Variants in PCDH11X observed in about 807,000 individuals in gnomAD.
PCDH11X encodes the protein protocadherin 11 X-linked, also known as protocadherin-11 X-linked.
In PCDH11X, 18 loss-of-function variants were observed where a neutral mutation model predicts 53.3. The ratio of observed to expected loss-of-function variants is 0.34; its 90% CI spans 0.23 to 0.50. The LOEUF is 0.50. PCDH11X is among the 20% of genes least tolerant of loss of function. The pLI is 0.98. For synonymous variants in PCDH11X, 279 were observed against 393.3 expected (o/e 0.71, Z 3.44); for missense variants, 570 against 1,032.4 (o/e 0.55, Z 6.14).
chrX:92,377,569 T>A (rs1344669131), intron 8 of PCDH11X, among the ~76,000 whole-genome samples: 1 of 109,698 alleles, frequency 9.1e-6, no homozygotes, highest in African/African-American at 3.3e-5. Context: ...TTACTGATTT[T>A]ATTTTAATCC....
In PCDH11X at chrX:92,264,239, A is replaced by G. The variant is rs149981645; in HGVS notation, c.3144+1096A>G. On this transcript the variant is annotated intron_variant, in intron 8 of 10. Coordinates refer to ENST00000682573, the MANE Select transcript of PCDH11X (RefSeq NM_032968.5). The stretch of plus-strand genomic sequence containing the variant: ...TACAATGCCAAAAGGGATTTTCATT[A>G]ATGTTTGAGAGATAAACTAAAATAA... Among the ~76,000 whole-genome samples the G allele has an allele frequency of 8.0e-5, 9 of 112,088 alleles. No homozygotes were observed. The East Asian group carries it at 2.2e-3, about 28-fold the overall frequency.
At chrX:91,940,226 C>A (rs916077514) in intron 6 of PCDH11X, among the ~76,000 whole-genome samples, 2 of 110,993 alleles carry the variant, frequency 1.8e-5, no homozygotes, top group Non-Finnish European at 3.8e-5. Context: ...GATGCCTACT[C>A]CAGAGCAGAT....
intron 4 of PCDH11X, among the ~76,000 whole-genome samples, chrX:91,820,675 A>T (rs1224372458): frequency 9.8e-6 from 1 of 102,552 alleles, no homozygotes; most frequent in African/African-American, 4.3e-5. Context: ...ACTTTAGTTT[A>T]ATTAGATCCC....
chrX:92,387,142 G>A (rs2905671), intron 8 of PCDH11X, among the ~76,000 whole-genome samples: 46,577 of 106,998 alleles, frequency 0.44, 8,263 homozygotes, highest in Non-Finnish European at 0.49. Context: ...TTTCATAATT[G>A]CCATAAACTG....
chrX:92,485,663 C>T (rs1747028741), intron 10 of PCDH11X, among the ~76,000 whole-genome samples: 2 of 111,325 alleles, frequency 1.8e-5, no homozygotes, highest in African/African-American at 3.3e-5. Context: ...TTGTAGTTCT[C>T]GAAACTCATT....
intron 6 of PCDH11X, among the ~76,000 whole-genome samples, chrX:92,052,043 ACT>A (rs1414636631): frequency 1.8e-5 from 2 of 109,534 alleles, no homozygotes; most frequent in Non-Finnish European, 3.8e-5. Context: ...AAAAGGTAAA[ACT>A]CTGTTTTCAT....
At chrX:92,205,510 G>A (rs1056361372) in intron 7 of PCDH11X, among the ~76,000 whole-genome samples, 1 of 110,284 alleles carries the variant, frequency 9.1e-6, no homozygotes, top group African/African-American at 3.3e-5. Context: ...ATGACATCAG[G>A]TATCACTGGG....
chrX:92,153,491 A>G (rs1339913443), intron 6 of PCDH11X, among the ~76,000 whole-genome samples: 1 of 111,969 alleles, frequency 8.9e-6, no homozygotes, highest in Non-Finnish European at 1.9e-5. Flanking sequence ...ATGTAATAGC[A>G]AGTTTAAGCA....
chrX:92,014,781 A>G (rs1291943255), intron 6 of PCDH11X, among the ~76,000 whole-genome samples: 1 of 111,434 alleles, frequency 9.0e-6, no homozygotes, highest in African/African-American at 3.3e-5. Context: ...AAACTATCGC[A>G]AGGAGAAAAA....
chrX:91,807,251 A>G (rs759059638), intron 1 of PCDH11X, among the ~76,000 whole-genome samples: 2 of 109,168 alleles, frequency 1.8e-5, no homozygotes, highest in East Asian at 5.8e-4. Context: ...AGGCTGAGGT[A>G]GGAGGATTGG....
chrX:92,270,044 C>A (rs2067917133), intron 8 of PCDH11X, among the ~76,000 whole-genome samples: 1 of 110,548 alleles, frequency 9.0e-6, no homozygotes, highest in African/African-American at 3.3e-5. Flanking sequence ...ATGATCACAC[C>A]TAGATTGTAA....
chrX:92,490,338 C>T (rs1369132176), intron 10 of PCDH11X, among the ~76,000 whole-genome samples: 3 of 111,203 alleles, frequency 2.7e-5, no homozygotes, highest in Admixed American at 9.6e-5. Context: ...TAAATTTCTA[C>T]AGGTTTTTCC....
chrX:92,219,357 T>C (rs2066808963), intron 7 of PCDH11X, among the ~76,000 whole-genome samples: 1 of 111,029 alleles, frequency 9.0e-6, no homozygotes, highest in African/African-American at 3.3e-5. Context: ...AGTCTCAGGA[T>C]ACAAAATCAA....
chrX:92,115,285 A>G (rs2064615476), intron 6 of PCDH11X, among the ~76,000 whole-genome samples: 1 of 110,842 alleles, frequency 9.0e-6, no homozygotes, highest in African/African-American at 3.3e-5. Context: ...CATTCAATAA[A>G]TATGTGTTAA....
chrX:92,497,433 A>G (rs2073879209), intron 10 of PCDH11X, among the ~76,000 whole-genome samples: 1 of 110,034 alleles, frequency 9.1e-6, no homozygotes, highest in Middle Eastern at 4.7e-3. Flanking sequence ...TTTTTTTAAC[A>G]TATTCCCCAC....
At chrX:92,052,890 A>G (rs1337926147) in intron 6 of PCDH11X, among the ~76,000 whole-genome samples, 2 of 111,478 alleles carry the variant, frequency 1.8e-5, no homozygotes, top group Admixed American at 1.9e-4. Flanking sequence ...ACTATTTACT[A>G]CTGACTTCTT....
chrX:92,026,470 T>C (rs2062971331), intron 6 of PCDH11X, among the ~76,000 whole-genome samples: 1 of 110,587 alleles, frequency 9.0e-6, no homozygotes, highest in Admixed American at 9.7e-5. Flanking sequence ...AATGTGTGGC[T>C]AAAAGAGGAG....
At chrX:92,339,886 C>A (rs1163274069) in intron 8 of PCDH11X, among the ~76,000 whole-genome samples, 2 of 110,026 alleles carry the variant, frequency 1.8e-5, no homozygotes, top group African/African-American at 6.6e-5. Flanking sequence ...TCTCTATAGT[C>A]CCCCCAAATC....
intron 7 of PCDH11X, among the ~76,000 whole-genome samples, chrX:92,216,964 T>C (rs1313981089): frequency 2.0e-4 from 22 of 108,855 alleles, no homozygotes; most frequent in Non-Finnish European, 3.6e-4. Context: ...GCTTCATAAG[T>C]GAAGGAGAAA....
Sources: allele counts gnomAD v4.1 joint callset (sites outside exome capture counted in the v4.1 genomes callset), GRCh38; gene constraint gnomAD v4.1.1; transcripts MANE v1.5; gene names NCBI Gene and HGNC (gene_info 2026-07-23, HGNC 2026-07-21).